Variants in NEBL observed in about 807,000 individuals in gnomAD.
NEBL encodes LIM and SH3 protein 2.
A neutral mutation model predicts 140.2 loss-of-function variants in NEBL; 122 were observed. The ratio of observed to expected loss-of-function variants is 0.87; its 90% CI spans 0.75 to 1.01. The LOEUF (loss-of-function observed/expected upper bound fraction) is 1.01, where lower values mean the gene tolerates loss of function less well. Among genes scored for constraint, NEBL ranks in the 50% least tolerant of loss-of-function variants. NEBL has a pLI of 0.00. For missense variants in NEBL, 1,365 were observed against 1,231.3 expected, an observed-to-expected ratio of 1.11 and a Z score of -1.62; for synonymous variants, 436 against 398.9, an observed-to-expected ratio of 1.09 and a Z score of -1.11.
chr10:20,997,413 C>T (rs1837709032), intron 3 of NEBL, among the ~76,000 whole-genome samples: 1 of 133,348 alleles, frequency 7.5e-6, no homozygotes, highest in Admixed American at 8.7e-5. Context: ...CCACAGTCAC[C>T]ATTAGGTACC....
Position 20,880,840 on chromosome 10 carries a change from G to A in NEBL, c.434C>T (p.Pro145Leu), listed in dbSNP as rs1845953617. The change falls in exon 5 of 28, where the codon CCC becomes CTC. Residue 145 changes from proline to leucine, a missense_variant. By Grantham distance (98) the Pro-to-Leu change is moderately conservative (BLOSUM62 -3). This residue lies in a region of NEBL where 1,323 missense variants were observed against 1,154.8 expected (regional missense o/e 1.15). Coordinates refer to ENST00000377122, the MANE Select transcript of NEBL (RefSeq NM_006393.3). ...GFSDYAHMKE[P>L]PEVKHAMEVN... ...CTCCATGGCATGTTTAACCTCAGGG[G>A]GCTCCTTCATGTGGGCATAATCTGA... is the stretch of plus-strand genomic sequence containing the variant. 6.2e-7 allele frequency: 1 copy of A among 1,613,968 alleles called. No homozygotes were observed. The highest frequency in any genetic ancestry group is 8.5e-7 in the Non-Finnish European group (1 of 1,179,998).
intron 7 of NEBL, among the ~76,000 whole-genome samples, chr10:20,864,133 T>C (rs1003243330): frequency 2.6e-5 from 4 of 152,180 alleles, no homozygotes; most frequent in Non-Finnish European, 5.9e-5. Context: ...CTTGAGGTTA[T>C]AAAACTGAAC....
At chr10:21,120,262 C>G (rs992565579) in intron 2 of NEBL, among the ~76,000 whole-genome samples, 2 of 150,676 alleles carry the variant, frequency 1.3e-5, no homozygotes, top group Non-Finnish European at 3.0e-5. Flanking sequence ...ATATCCCCAG[C>G]TACTCTGGAG....
At chr10:21,186,257 A>ACACAC (rs955598418) in intron 3 of NEBL, among the ~76,000 whole-genome samples, 5 of 124,738 alleles carry the variant, frequency 4.0e-5, no homozygotes, top group African/African-American at 1.4e-4. Flanking sequence ...TATATATACA[A>ACACAC]ACACACACAC....
At chr10:21,210,047 ATGTCCTTAT>A (rs1417897141) in intron 3 of NEBL, among the ~76,000 whole-genome samples, 2 of 152,136 alleles carry the variant, frequency 1.3e-5, no homozygotes, top group Admixed American at 6.6e-5. Flanking sequence ...GAGCCTCAAA[ATGTCCTTAT>A]TGTTTAAGAT....
At chr10:21,169,114 A>T (rs1391289433) in intron 2 of NEBL, among the ~76,000 whole-genome samples, 1 of 128,112 alleles carries the variant, frequency 7.8e-6, no homozygotes, top group Non-Finnish European at 1.7e-5. Flanking sequence ...ATATTTGGAC[A>T]TATAATTAGA....
In NEBL at chr10:20,978,603, A is replaced by T. The variant is rs11012441; in HGVS notation, c.250-16824T>A. ...AAGAACTGGTCTCTAATAAAAATTTAAAAAAATTAGCCAGGAGTGGTGGTG... is the reference window on the plus strand; with the variant it reads ...AAGAACTGGTCTCTAATAAAAATTTTAAAAAATTAGCCAGGAGTGGTGGTG... On this transcript the variant is annotated intron_variant, in intron 3 of 6. Transcript: ENST00000417816. Among the ~76,000 whole-genome samples, 3,118 of 152,064 alleles carry T rather than the reference A, an allele frequency of 0.021. 396 individuals are homozygous for T. In the East Asian group the frequency reaches 0.36, roughly 18 times the overall value.
At chr10:21,158,184 T>A (rs899691322) in intron 2 of NEBL, among the ~76,000 whole-genome samples, 1 of 152,230 alleles carries the variant, frequency 6.6e-6, no homozygotes, top group Non-Finnish European at 1.5e-5. Flanking sequence ...TCTGCACTCA[T>A]CCATGTGAGG....
rs2132080252 is a variant in NEBL, at chr10:21,135,358, C to T, written c.164+37025G>A. 1.3e-5 allele frequency among the ~76,000 whole-genome samples: 2 copies of T among 152,258 alleles called. 1 individual carries two copies. Among genetic ancestry groups the T allele is most frequent in the Admixed American group, 1.3e-4 (2 of 15,292 alleles). ...TTGTGTGGTACTTCCCCATCCGTATCCTCCAAAGGGCTGTTTGAAGATCTA... is the reference window on the plus strand; with the variant it reads ...TTGTGTGGTACTTCCCCATCCGTATTCTCCAAAGGGCTGTTTGAAGATCTA... On this transcript the variant is annotated intron_variant, in intron 2 of 6. Transcript: ENST00000417816.
At chr10:20,935,689 A>C (rs1220719148) in intron 4 of NEBL, among the ~76,000 whole-genome samples, 2 of 152,218 alleles carry the variant, frequency 1.3e-5, no homozygotes, top group Non-Finnish European at 2.9e-5. Context: ...ATCCCATCTT[A>C]AATAATCTTG....
At chr10:21,231,422 C>T (rs923126227) in intron 3 of NEBL, among the ~76,000 whole-genome samples, 2 of 152,114 alleles carry the variant, frequency 1.3e-5, no homozygotes, top group Non-Finnish European at 2.9e-5. Context: ...CGCCTGTAAT[C>T]CCAGCTACTC....
At chr10:21,000,910 C>T (rs908946149) in intron 3 of NEBL, among the ~76,000 whole-genome samples, 2 of 152,044 alleles carry the variant, frequency 1.3e-5, no homozygotes, top group Admixed American at 6.6e-5. Context: ...GATTTAAGGG[C>T]AGAGAAAAAG....
chr10:21,262,369 G>A (rs1842750034), intron 1 of NEBL, among the ~76,000 whole-genome samples: 1 of 152,194 alleles, frequency 6.6e-6, no homozygotes, highest in African/African-American at 2.4e-5. Context: ...GATTTAGAAG[G>A]GAAGGTGCTC....
At chr10:21,066,406 T>C (rs893463244) in intron 2 of NEBL, among the ~76,000 whole-genome samples, 9 of 152,346 alleles carry the variant, frequency 5.9e-5, no homozygotes, top group Non-Finnish European at 1.2e-4. Context: ...TAAAATGTTT[T>C]TCATGCTAAT....
chr10:21,052,455 C>T (rs1289442659), intron 2 of NEBL, among the ~76,000 whole-genome samples: 1 of 152,130 alleles, frequency 6.6e-6, no homozygotes, highest in East Asian at 1.9e-4. Context: ...CAAAAGACAC[C>T]CACAGCCCAA....
At chr10:20,920,149 G>A (rs1176652874) in intron 4 of NEBL, among the ~76,000 whole-genome samples, 3 of 152,100 alleles carry the variant, frequency 2.0e-5, no homozygotes, top group East Asian at 1.9e-4. Flanking sequence ...GTTTAACAAC[G>A]TATTCTGTTG....
chr10:20,899,256 AATT>A (rs766962250), upstream of NEBL: 457 of 374,020 alleles, frequency 1.2e-3, 1 homozygote, highest in Non-Finnish European at 1.9e-3. Context: ...TTGTCTTGCA[AATT>A]TCTAGGAGTG....
chr10:21,245,088 T>C (rs1218534191), intron 3 of NEBL, among the ~76,000 whole-genome samples: 1 of 152,052 alleles, frequency 6.6e-6, no homozygotes, highest in Admixed American at 6.6e-5. Context: ...CACTTGAGCC[T>C]GGGTGGTTGA....
intron 4 of NEBL, among the ~76,000 whole-genome samples, chr10:20,932,153 G>A (rs547122262): frequency 5.9e-5 from 9 of 152,212 alleles, no homozygotes; most frequent in African/African-American, 2.2e-4. Context: ...CACCAGCTTA[G>A]TCCAAACCAC....
Sources: gnomAD v4.1 joint callset for allele counts (sites outside exome capture counted in the v4.1 genomes callset) on GRCh38, gnomAD v4.1.1 for gene constraint, gnomAD v4.1.1 regional missense constraint, MANE v1.5 for transcripts, NCBI Gene and HGNC (gene_info 2026-07-23, HGNC 2026-07-21) for gene names.